SCN8A: variants seen among roughly 807,000 people sequenced by gnomAD.
SCN8A encodes the protein sodium voltage-gated channel alpha subunit 8.
Under a neutral mutation model 184.1 loss-of-function variants are expected in SCN8A, and 30 were observed. The observed-to-expected ratio is 0.16, with a 90% CI of 0.12 to 0.22. The LOEUF is 0.22. Ranked by LOEUF, SCN8A falls within the 10% of genes least tolerant of loss-of-function variation. The pLI is 1.00. For missense variants in SCN8A, 1,057 were observed against 2,498.9 expected (o/e 0.42, Z 12.30); for synonymous variants, 852 against 907.0 (o/e 0.94, Z 1.09).
intron 2 of SCN8A, among the ~76,000 whole-genome samples, chr12:51,679,522 G>A (rs1941288457): frequency 6.6e-6 from 1 of 152,170 alleles, no homozygotes; most frequent in South Asian, 2.1e-4. Flanking sequence ...TTACACCACA[G>A]TTACAGGGGT....
At chr12:51,692,082 G>A (rs909546510) in intron 6 of SCN8A, among the ~76,000 whole-genome samples, 18 of 152,154 alleles carry the variant, frequency 1.2e-4, no homozygotes, top group Admixed American at 2.6e-4. Flanking sequence ...AAGTTTTCTC[G>A]TGGATCACTT....
At chr12:51,666,957 A>G (rs575142033) in intron 2 of SCN8A, among the ~76,000 whole-genome samples, 1 of 152,074 alleles carries the variant, frequency 6.6e-6, no homozygotes, top group Admixed American at 6.5e-5. Context: ...ATTGCCTCAG[A>G]CTTCTCAGGG....
chr12:51,684,040 G>A, intron 2 of SCN8A, 134 bp from the exon 3 acceptor site: 1 of 684,066 alleles, frequency 1.5e-6, no homozygotes, highest in South Asian at 1.6e-5. Flanking sequence ...AAGTTTGCTT[G>A]TTTAAAAACC....
At chr12:51,744,468 A>T (rs887835120) in intron 12 of SCN8A, among the ~76,000 whole-genome samples, 1 of 152,130 alleles carries the variant, frequency 6.6e-6, no homozygotes, top group Non-Finnish European at 1.5e-5. Context: ...CACAGATGTT[A>T]GTGTAGTAAT....
At chr12:51,616,665 A>T (rs1049551051) in intron 1 of SCN8A, among the ~76,000 whole-genome samples, 1 of 152,076 alleles carries the variant, frequency 6.6e-6, no homozygotes, top group Non-Finnish European at 1.5e-5. Flanking sequence ...CCTGCTTGTC[A>T]TCTCCGCACT....
intron 1 of SCN8A, among the ~76,000 whole-genome samples, chr12:51,629,774 G>C (rs768037894): frequency 6.6e-6 from 1 of 152,122 alleles, no homozygotes; most frequent in Non-Finnish European, 1.5e-5. Flanking sequence ...AGAGGGCTAA[G>C]AGGTGGGAAG....
intron 12 of SCN8A, among the ~76,000 whole-genome samples, chr12:51,739,075 GT>G (rs1942376402): frequency 6.6e-6 from 1 of 152,080 alleles, no homozygotes; most frequent in South Asian, 2.1e-4. Context: ...TTTTTTATAT[GT>G]TGGACCTATT....
chr12:51,652,345 A>G (rs1363470776), intron 1 of SCN8A, among the ~76,000 whole-genome samples: 1 of 152,144 alleles, frequency 6.6e-6, no homozygotes, highest in Non-Finnish European at 1.5e-5. Context: ...TGGAATTGCT[A>G]CAATAGTCTT....
chr12:51,774,356 T>C lies in SCN8A; in HGVS notation c.3813T>C (p.Ile1271=), dbSNP rs755700702. 1.2e-6 allele frequency: 2 copies of C among 1,608,512 alleles called. No homozygotes were observed. The highest frequency in any genetic ancestry group is 1.7e-6 in the Non-Finnish European group (2 of 1,176,864). The part of the protein sequence containing the change: ...TNAWCWLDFL[I]VAVSLVSLIA... ...CCTGGTGTTGGCTGGACTTCCTCAT[T>C]GTGGCTGTAGGTGTCTTGCTTTCTG... The change falls in exon 20 of 27, where the codon ATT becomes ATC. Residue 1271 remains isoleucine, a synonymous_variant. Coordinates refer to ENST00000627620, the MANE Select transcript of SCN8A (RefSeq NM_001330260.2).
intron 6 of SCN8A, among the ~76,000 whole-genome samples, chr12:51,696,960 A>G (rs1443225336): frequency 6.7e-6 from 1 of 148,450 alleles, no homozygotes; most frequent in Non-Finnish European, 1.5e-5. Flanking sequence ...AATCGCTTGA[A>G]CCCAGAAGAC....
At chr12:51,799,445 C>T (rs1283342475) in intron 26 of SCN8A, among the ~76,000 whole-genome samples, 6 of 152,208 alleles carry the variant, frequency 3.9e-5, no homozygotes, top group African/African-American at 9.6e-5. Context: ...GGCCAAGAGC[C>T]GTCCCTCAAA....
intron 20 of SCN8A, among the ~76,000 whole-genome samples, chr12:51,779,072 G>A (rs999920248): frequency 1.3e-5 from 2 of 151,828 alleles, no homozygotes; most frequent in Admixed American, 6.6e-5. Context: ...AAAATTAGCC[G>A]GGCATGGTGG....
intron 7 of SCN8A, 69 bp from the exon 8 acceptor site, chr12:51,701,075 C>T (rs1372946504): frequency 1.9e-6 from 2 of 1,032,576 alleles, no homozygotes; most frequent in Admixed American, 3.5e-5. Context: ...TAGTTAGGAA[C>T]AGTGTAACCT....
rs1026310917 is a variant in SCN8A, at chr12:51,811,018, T to A, written c.*3589T>A. 6.6e-6 allele frequency: 1 copy of A among 152,200 alleles called. No individual in the cohort carries two copies. Among genetic ancestry groups the A allele is most frequent in the African/African-American group, 2.4e-5 (1 of 41,448 alleles). 9.4% of individuals were successfully genotyped at this position (152,200 alleles called of 1,614,324 possible). A position where few individuals can be genotyped will look rare whatever the true frequency, so the allele number is the denominator to read the frequency against. On this transcript the variant is annotated 3_prime_UTR_variant, in exon 27 of 27. Coordinates refer to ENST00000627620, the MANE Select transcript of SCN8A (RefSeq NM_001330260.2). ...GTATTAGTGAATGCATGGAGGCCAA[T>A]GCTGCCCTAATGAGACGTGATAAAA...
chr12:51,719,914 A>C (rs12813671), intron 11 of SCN8A, among the ~76,000 whole-genome samples: 1 of 151,860 alleles, frequency 6.6e-6, no homozygotes, highest in Non-Finnish European at 1.5e-5. Context: ...GTCTCTACTA[A>C]AAATACAAAA....
intron 17 of SCN8A, 83 bp downstream of exon 17, chr12:51,769,418 G>A: frequency 1.1e-6 from 1 of 948,132 alleles, no homozygotes; most frequent in Non-Finnish European, 1.6e-6. Context: ...GTTCAGCTAT[G>A]GGCTTGGTAG....
chr12:51,774,458 G>A, intron 20 of SCN8A, 96 bp downstream of exon 20: 3 of 1,175,078 alleles, frequency 2.6e-6, no homozygotes, highest in African/African-American at 3.1e-5. Context: ...CTGGGCCCAG[G>A]TTATAGATCA....
intron 1 of SCN8A, among the ~76,000 whole-genome samples, chr12:51,629,421 C>T (rs1940149493): frequency 6.6e-6 from 1 of 152,056 alleles, no homozygotes; most frequent in African/African-American, 2.4e-5. Flanking sequence ...CCTCAGCCCC[C>T]AAGTTGTGAC....
chr12:51,753,305 T>C (rs1412205830), intron 14 of SCN8A, among the ~76,000 whole-genome samples: 1 of 152,136 alleles, frequency 6.6e-6, no homozygotes, highest in African/African-American at 2.4e-5. Context: ...GCTTAGTATA[T>C]AGTCCAGCAT....
Sources: gnomAD v4.1 joint callset for allele counts (sites outside exome capture counted in the v4.1 genomes callset) on GRCh38, gnomAD v4.1.1 for gene constraint, MANE v1.5 for transcripts, NCBI Gene and HGNC (gene_info 2026-07-23, HGNC 2026-07-21) for gene names.